PLXNA4: variants seen among roughly 807,000 people sequenced by gnomAD.
PLXNA4 encodes the protein plexin A4, also known as plexin-A4.
In PLXNA4, 44 loss-of-function variants were observed where a neutral mutation model predicts 191.8. The ratio of observed to expected loss-of-function variants is 0.23; its 90% confidence interval spans 0.18 to 0.29. PLXNA4 has a LOEUF of 0.29. Ranked by LOEUF, PLXNA4 falls within the 10% of genes least tolerant of loss-of-function variation. PLXNA4 has a pLI of 1.00. For synonymous variants in PLXNA4, 1,082 were observed against 1,009.5 expected, an observed-to-expected ratio of 1.07 and a Z score of -1.36; for missense variants, 1,800 against 2,488.8, an observed-to-expected ratio of 0.72 and a Z score of 5.89.
chr7:132,170,625 C>T (rs781604457), intron 21 of PLXNA4, among the ~76,000 whole-genome samples: 3 of 152,324 alleles, frequency 2.0e-5, no homozygotes, highest in East Asian at 1.9e-4. Flanking sequence ...GGCAGGAGGC[C>T]GGGTTCAGTC....
rs779000855 is a variant in PLXNA4, at chr7:132,124,966, T to A, written c.*5513A>T. Reference sequence around the variant, plus strand: ...ATGTATTTCTCTTACAACCAAAAAATTCTATATACTTTTAAAACTTGGATA... The same window carrying A: ...ATGTATTTCTCTTACAACCAAAAAAATCTATATACTTTTAAAACTTGGATA... On this transcript the variant is annotated 3_prime_UTR_variant, in exon 32 of 32. Coordinates refer to ENST00000321063, the MANE Select transcript of PLXNA4 (RefSeq NM_020911.2). The A allele has an allele frequency of 6.6e-6, 1 of 151,794 alleles. No individual in the cohort carries two copies. The highest frequency in any genetic ancestry group is 6.6e-5 in the Admixed American group (1 of 15,216). 9.4% of individuals were successfully genotyped at this position (151,794 alleles called of 1,614,324 possible).
intron 4 of PLXNA4, among the ~76,000 whole-genome samples, chr7:132,247,380 C>T (rs1233198212): frequency 1.6e-4 from 24 of 151,816 alleles, no homozygotes; most frequent in Non-Finnish European, 1.5e-5. Flanking sequence ...TCTTAAGTAC[C>T]CAATTTCCTT....
chr7:132,188,999 A>AAAGG (rs1562908860), intron 14 of PLXNA4, among the ~76,000 whole-genome samples: 1 of 28,346 alleles, frequency 3.5e-5, no homozygotes, highest in Non-Finnish European at 6.9e-5. Flanking sequence ...GAAAGGAGAG[A>AAAGG]GAGAGAGAGA....
chr7:132,564,191 CCCT>C (rs1192891054), intron 1 of PLXNA4, among the ~76,000 whole-genome samples: 4 of 122,826 alleles, frequency 3.3e-5, no homozygotes, highest in East Asian at 2.9e-4. Context: ...CCCCTCCTCT[CCCT>C]CCTCTTCTCC....
At position 132,634,182 on chromosome 7, in the gene PLXNA4, A is replaced by G. The variant is rs1321577253; in HGVS notation, c.-87+11746T>C. Among the ~76,000 whole-genome samples, 4 of 152,236 alleles carry G rather than the reference A, an allele frequency of 2.6e-5. No individual in the cohort carries two copies. In the South Asian group the frequency reaches 6.2e-4, roughly 24 times the overall value. On this transcript the variant is annotated intron_variant, in intron 2 of 4. Coordinates refer to the PLXNA4 transcript ENST00000378539. Reference sequence around the variant, plus strand: ...GGAATGCAGGGCACACAGGGCATCAAGGCCCTTTATTTAGGGTTAAATGGA... The same window carrying G: ...GGAATGCAGGGCACACAGGGCATCAGGGCCCTTTATTTAGGGTTAAATGGA...
intron 4 of PLXNA4, among the ~76,000 whole-genome samples, chr7:132,286,665 G>C (rs1800693684): frequency 6.6e-6 from 1 of 152,166 alleles, no homozygotes. Flanking sequence ...CTCTGCTCTA[G>C]AAGTCCTGGA....
At chr7:132,237,165 C>T (rs996711019) in intron 5 of PLXNA4, among the ~76,000 whole-genome samples, 1 of 152,178 alleles carries the variant, frequency 6.6e-6, no homozygotes, top group African/African-American at 2.4e-5. Context: ...TAAAATTGTA[C>T]CTTTATTAAA....
chr7:132,131,875 G>T (rs997809756), intron 31 of PLXNA4, among the ~76,000 whole-genome samples: 1 of 152,212 alleles, frequency 6.6e-6, no homozygotes, highest in Non-Finnish European at 1.5e-5. Flanking sequence ...ATGATGTAAG[G>T]GCCACAGAAT....
chr7:132,511,034 GA>G (rs1356793749), intron 1 of PLXNA4, among the ~76,000 whole-genome samples: 2 of 60,964 alleles, frequency 3.3e-5, no homozygotes, highest in African/African-American at 1.6e-4. Flanking sequence ...TTTGCAGAAG[GA>G]GAGTTTGGAG....
intron 3 of PLXNA4, among the ~76,000 whole-genome samples, chr7:132,391,321 C>T (rs183957546): frequency 1.3e-5 from 2 of 152,302 alleles, no homozygotes; most frequent in Non-Finnish European, 2.9e-5. Flanking sequence ...CTCGATCTCC[C>T]CCATAGTGAC....
upstream of PLXNA4, among the ~76,000 whole-genome samples, chr7:132,578,542 C>T (rs573941476): frequency 1.3e-5 from 2 of 152,208 alleles, no homozygotes; most frequent in East Asian, 1.9e-4. Flanking sequence ...TCACAGAAAT[C>T]GAAGTTGTGT....
chr7:132,144,784 GGAGGTACTTGGATGGGA>G (rs1474330296), intron 29 of PLXNA4, among the ~76,000 whole-genome samples: 1 of 152,222 alleles, frequency 6.6e-6, no homozygotes, highest in East Asian at 1.9e-4. Context: ...CAGGCACCCA[GGAGGTACTTGGATGGGA>G]GAGTGTCCTG....
chr7:132,176,970 TGA>T (rs1361887978), intron 20 of PLXNA4, among the ~76,000 whole-genome samples: 3 of 152,082 alleles, frequency 2.0e-5, no homozygotes, highest in African/African-American at 7.2e-5. Flanking sequence ...CGTGAGTGTA[TGA>T]GTGTGCATGC....
At chr7:132,588,746 AAGAG>A (rs370545025) in intron 2 of PLXNA4, among the ~76,000 whole-genome samples, 3 of 150,178 alleles carry the variant, frequency 2.0e-5, no homozygotes, top group Non-Finnish European at 3.0e-5. Flanking sequence ...AAAAGAAAGA[AAGAG>A]AGAAAGAGAG....
upstream of PLXNA4, among the ~76,000 whole-genome samples, chr7:132,580,233 G>C (rs1802377157): frequency 6.6e-6 from 1 of 152,070 alleles, no homozygotes; most frequent in Admixed American, 6.5e-5. Context: ...ATGAGGGTAG[G>C]CCTTCTGCTA....
chr7:132,184,178 G>C (rs758906937), intron 16 of PLXNA4, among the ~76,000 whole-genome samples: 1 of 152,176 alleles, frequency 6.6e-6, no homozygotes, highest in Non-Finnish European at 1.5e-5. Context: ...ACACCCCTGA[G>C]AACTGAAGCT....
chr7:132,450,369 G>A (rs991606552), intron 3 of PLXNA4, among the ~76,000 whole-genome samples: 1 of 152,228 alleles, frequency 6.6e-6, no homozygotes, highest in Non-Finnish European at 1.5e-5. Context: ...CAAGGAAGCA[G>A]GTAGGTCTTT....
At chr7:132,584,478 A>G (rs186484808) in intron 2 of PLXNA4, among the ~76,000 whole-genome samples, 75 of 152,242 alleles carry the variant, frequency 4.9e-4, no homozygotes, top group Middle Eastern at 3.4e-3. Context: ...CAGAAATTCT[A>G]TTTTCATTTC....
At chr7:132,594,922 GATA>G (rs1446260506) in intron 2 of PLXNA4, among the ~76,000 whole-genome samples, 2 of 78,414 alleles carry the variant, frequency 2.6e-5, no homozygotes, top group South Asian at 3.4e-4. Flanking sequence ...TAGATAGATA[GATA>G]GATAGATAGA....
Sources: gnomAD v4.1 joint callset for allele counts (sites outside exome capture counted in the v4.1 genomes callset) on GRCh38, gnomAD v4.1.1 for gene constraint, MANE v1.5 for transcripts, NCBI Gene and HGNC (gene_info 2026-07-23, HGNC 2026-07-21) for gene names.